Variants in SHISA9 observed in about 807,000 individuals in gnomAD.
SHISA9 encodes the protein shisa family member 9.
In SHISA9, 13 loss-of-function variants were observed where a neutral mutation model predicts 38.0. The observed-to-expected ratio is 0.34, with a 90% confidence interval of 0.22 to 0.54. SHISA9 has a LOEUF of 0.54. SHISA9 is among the 20% of genes least tolerant of loss of function. The pLI is 0.91. For missense variants in SHISA9, 538 were observed against 575.8 expected (o/e 0.93, Z 0.67); for synonymous variants, 275 against 242.0 (o/e 1.14, Z -1.27).
At chr16:12,915,304 A>T (rs73514730) in intron 1 of SHISA9, among the ~76,000 whole-genome samples, 1 of 152,098 alleles carries the variant, frequency 6.6e-6, no homozygotes, top group East Asian at 1.9e-4. Context: ...CCACGTCTCT[A>T]CAAAATAAAA....
Position 12,937,439 on chromosome 16 carries a change from T to C in SHISA9, c.691+20624T>C, listed in dbSNP as rs577235451. ...ATTTACTAACATTTCTGAACACTTC[T>C]GCACCTTGCTGATTTCATTTAATAG... On this transcript the variant is annotated intron_variant, in intron 2 of 4. Coordinates refer to ENST00000558583, the MANE Select transcript of SHISA9 (RefSeq NM_001145204.3). Among the ~76,000 whole-genome samples, 33 of 152,380 alleles carry C rather than the reference T, an allele frequency of 2.2e-4. No individual in the cohort carries two copies. The South Asian group carries it at 6.8e-3, about 32-fold the overall frequency.
intron 2 of SHISA9, among the ~76,000 whole-genome samples, chr16:13,054,523 A>T (rs1391080526): frequency 1.3e-5 from 2 of 152,224 alleles, no homozygotes; most frequent in Non-Finnish European, 2.9e-5. Flanking sequence ...TTATTGGTGA[A>T]TCAAAGAGAA....
At chr16:12,943,479 T>G (rs2071649568) in intron 2 of SHISA9, among the ~76,000 whole-genome samples, 1 of 152,036 alleles carries the variant, frequency 6.6e-6, no homozygotes, top group African/African-American at 2.4e-5. Flanking sequence ...TTTCCCTGTT[T>G]TGAATGTATG....
intron 2 of SHISA9, among the ~76,000 whole-genome samples, chr16:13,092,352 C>T (rs1443107324): frequency 2.0e-5 from 3 of 152,226 alleles, no homozygotes; most frequent in Admixed American, 6.5e-5. Flanking sequence ...CTGCTCTCTT[C>T]AGAGCTGTCA....
chr16:13,157,844 G>A (rs1035655446), intron 2 of SHISA9, among the ~76,000 whole-genome samples: 13 of 152,154 alleles, frequency 8.5e-5, no homozygotes, highest in African/African-American at 3.1e-4. Context: ...ACACAGATTT[G>A]AGTCTTGTTC....
chr16:12,952,924 A>G (rs981331525), intron 2 of SHISA9, among the ~76,000 whole-genome samples: 4 of 152,154 alleles, frequency 2.6e-5, no homozygotes, highest in African/African-American at 7.2e-5. Context: ...TTGAACACCT[A>G]CTATGTACTG....
chr16:12,952,125 A>C (rs975248948), intron 2 of SHISA9, among the ~76,000 whole-genome samples: 7 of 152,330 alleles, frequency 4.6e-5, no homozygotes, highest in African/African-American at 1.7e-4. Context: ...TTTTCAATTG[A>C]GAGCAATTAA....
chr16:12,976,085 A>G (rs1157970577), intron 2 of SHISA9, among the ~76,000 whole-genome samples: 1 of 151,988 alleles, frequency 6.6e-6, no homozygotes, highest in African/African-American at 2.4e-5. Context: ...CTCTAGAAAA[A>G]TAAACTTATT....
chr16:13,235,301 T>C lies in SHISA9; in HGVS notation c.1167T>C (p.Leu389=), dbSNP rs1198002688. 1 of 1,550,938 alleles carries C rather than the reference T, an allele frequency of 6.4e-7. No individual in the cohort carries two copies. Among genetic ancestry groups the C allele is most frequent in the South Asian group, 1.2e-5 (1 of 84,052 alleles). ...RRQAYSNKGK[L]GTAETGSSDP... The stretch of plus-strand genomic sequence containing the variant: ...AGGCTTACAGCAACAAGGGCAAGCT[T>C]GGCACGGCCGAGACAGGCTCCAGCG... Residue 389 remains leucine (L), a synonymous_variant, in exon 5 of 5, where the codon CTT becomes CTC. Coordinates refer to ENST00000558583, the MANE Select transcript of SHISA9 (RefSeq NM_001145204.3).
intron 2 of SHISA9, among the ~76,000 whole-genome samples, chr16:13,071,572 C>A (rs2073515146): frequency 7.3e-6 from 1 of 137,482 alleles, no homozygotes; most frequent in Non-Finnish European, 1.5e-5. Flanking sequence ...TTCCTTCCTC[C>A]CTTCCTCCCT....
At chr16:13,317,573 C>A in the SHISA9 span, among the ~76,000 whole-genome samples, 2 of 152,156 alleles carry the variant, frequency 1.3e-5, no homozygotes, top group African/African-American at 2.4e-5. Flanking sequence ...TGCCTTCTTG[C>A]ACAGCCAGCT....
chr16:13,414,504 A>G, the SHISA9 span, among the ~76,000 whole-genome samples: 2 of 152,324 alleles, frequency 1.3e-5, no homozygotes, highest in East Asian at 3.9e-4. Context: ...TATTGGCCTC[A>G]TTTTAAAAGA....
At chr16:13,333,052 G>A in the SHISA9 span, among the ~76,000 whole-genome samples, 2 of 152,190 alleles carry the variant, frequency 1.3e-5, no homozygotes, top group East Asian at 1.9e-4. Context: ...CGTGCCCGTC[G>A]AAGTCAGAGG....
chr16:13,269,216 A>C, the SHISA9 span, among the ~76,000 whole-genome samples: 1 of 152,200 alleles, frequency 6.6e-6, no homozygotes, highest in Non-Finnish European at 1.5e-5. Flanking sequence ...GCACCTATGC[A>C]TCCTTTTAGA....
chr16:13,087,350 A>G (rs139343200), intron 2 of SHISA9, among the ~76,000 whole-genome samples: 4,474 of 152,100 alleles, frequency 0.029, 233 homozygotes, highest in African/African-American at 0.1. Flanking sequence ...CAGTAATGGG[A>G]TTGCTAGGTC....
At chr16:13,332,364 A>C in the SHISA9 span, among the ~76,000 whole-genome samples, 1 of 152,190 alleles carries the variant, frequency 6.6e-6, no homozygotes, top group Non-Finnish European at 1.5e-5. Flanking sequence ...GGGTGGACCC[A>C]TCTGCCTCTT....
chr16:13,169,858 A>T (rs1037905513), intron 2 of SHISA9, among the ~76,000 whole-genome samples: 2 of 152,112 alleles, frequency 1.3e-5, no homozygotes, highest in African/African-American at 4.8e-5. Flanking sequence ...TCTGGCTGGC[A>T]TGGCAGTCTG....
the SHISA9 span, among the ~76,000 whole-genome samples, chr16:13,313,027 G>A: frequency 1.8e-4 from 27 of 151,500 alleles, no homozygotes; most frequent in African/African-American, 5.1e-4. Flanking sequence ...AGGCCGAGGC[G>A]GGCGGATCAC....
At chr16:13,529,866 T>C in the SHISA9 span, among the ~76,000 whole-genome samples, 1 of 152,208 alleles carries the variant, frequency 6.6e-6, no homozygotes, top group East Asian at 1.9e-4. Context: ...CAGCTCCAGG[T>C]AACCTGATTG....
Sources: allele counts gnomAD v4.1 joint callset (sites outside exome capture counted in the v4.1 genomes callset), GRCh38; gene constraint gnomAD v4.1.1; transcripts MANE v1.5; gene names NCBI Gene and HGNC (gene_info 2026-07-23, HGNC 2026-07-21).